The following PHC3 variants were observed in gnomAD, a reference collection of about 807,000 sequenced individuals.
PHC3 encodes polyhomeotic homolog 3.
A neutral mutation model predicts 107.4 loss-of-function variants in PHC3; 13 were observed. That is an observed-to-expected ratio of 0.12 (90% CI 0.08 to 0.19). The LOEUF (loss-of-function observed/expected upper bound fraction) is 0.19. Among genes scored for constraint, PHC3 ranks in the 10% least tolerant of loss-of-function variants. The pLI is 1.00. For synonymous variants in PHC3, 456 were observed against 427.4 expected (o/e 1.07, Z -0.83); for missense variants, 992 against 1,210.9 (o/e 0.82, Z 2.68).
Position 170,128,495 on chromosome 3 carries a change from C to A in PHC3, c.1788+189G>T, listed in dbSNP as rs530188111. ...CCATCACAAATTATAAAGCATGCAA[C>A]CACACTAAACAAACAATGGCATTTT... is the stretch of plus-strand genomic sequence containing the variant. On this transcript the variant is annotated intron_variant, in intron 8 of 14. Transcript: ENST00000495893. The A allele has an allele frequency of 4.4e-6, 5 of 1,135,032 alleles. No homozygotes were observed. The East Asian group carries it at 1.3e-4, about 30-fold the overall frequency. The allele number at this position is 1,135,032 out of a possible 1,614,324, so 70.3% of individuals were successfully genotyped here.
chr3:170,172,536 A>C (rs1729774647), intron 3 of PHC3, 21 bp downstream of exon 3: 1 of 1,604,302 alleles, frequency 6.2e-7, no homozygotes, highest in South Asian at 1.1e-5. Context: ...TTGATCTCAT[A>C]AACTCTTATT....
At chr3:170,159,473 T>G (rs1727501416) in intron 4 of PHC3, among the ~76,000 whole-genome samples, 1 of 151,906 alleles carries the variant, frequency 6.6e-6, no homozygotes. Context: ...AAAAAGGCAG[T>G]AAGTGAAAAG....
chr3:170,117,002 A>AT (rs1337639997), intron 10 of PHC3: 3 of 526,054 alleles, frequency 5.7e-6, no homozygotes, highest in East Asian at 3.3e-5. Context: ...ATGTCCTGAA[A>AT]TTTTTTTCAT....
intron 4 of PHC3, chr3:170,170,589 G>T (rs1729437049): frequency 6.6e-6 from 1 of 151,620 alleles, no homozygotes; most frequent in South Asian, 2.1e-4. Flanking sequence ...TTGTTCTTAG[G>T]AAATACACAT....
Position 170,089,954 on chromosome 3 carries a change from T to A in PHC3, c.*7276A>T. Reference sequence around the variant, plus strand: ...GAAAAAAAAAAAAAAAGAAAGAAAGTTGCTCACTGTCAATACTGGGTAAAA... The same window carrying A: ...GAAAAAAAAAAAAAAAGAAAGAAAGATGCTCACTGTCAATACTGGGTAAAA... On this transcript the variant is annotated 3_prime_UTR_variant, in exon 15 of 15. Transcript: ENST00000495893. The A allele has an allele frequency of 6.7e-6, 1 of 148,188 alleles. No homozygotes were observed. Among genetic ancestry groups the A allele is most frequent in the Non-Finnish European group, 1.5e-5 (1 of 67,228 alleles). 9.2% of individuals were successfully genotyped at this position (148,188 alleles called of 1,614,324 possible). A position where few individuals can be genotyped will look rare whatever the true frequency, so the allele number is the denominator to read the frequency against.
At chr3:170,144,282 A>G (rs1724602576) in intron 6 of PHC3, among the ~76,000 whole-genome samples, 1 of 151,590 alleles carries the variant, frequency 6.6e-6, no homozygotes, top group South Asian at 2.1e-4. Context: ...TGGAGGTTGC[A>G]GTGAGCGGAG....
intron 12 of PHC3, among the ~76,000 whole-genome samples, chr3:170,105,518 A>AT (rs1716322854): frequency 6.6e-6 from 1 of 152,152 alleles, no homozygotes; most frequent in African/African-American, 2.4e-5. Flanking sequence ...AAGGTTATTT[A>AT]TTTTTTATGG....
At chr3:170,126,827 C>T in intron 8 of PHC3, among the ~76,000 whole-genome samples, 1 of 152,012 alleles carries the variant, frequency 6.6e-6, no homozygotes, top group Admixed American at 6.6e-5. Context: ...AGGTGTGAGG[C>T]ACCACACCCA....
chr3:170,130,316 C>A (rs1487217902), intron 7 of PHC3, among the ~76,000 whole-genome samples: 2 of 152,132 alleles, frequency 1.3e-5, no homozygotes, highest in African/African-American at 4.8e-5. Context: ...TAATCCATAT[C>A]TAAACGTGCT....
At chr3:170,166,895 T>TC (rs1273081054) in intron 4 of PHC3, among the ~76,000 whole-genome samples, 1 of 151,996 alleles carries the variant, frequency 6.6e-6, no homozygotes, top group South Asian at 2.1e-4. Context: ...ACTCAAGTGA[T>TC]CCCCCCACCT....
intron 7 of PHC3, among the ~76,000 whole-genome samples, chr3:170,130,533 A>C (rs1722079247): frequency 6.6e-6 from 1 of 152,200 alleles, no homozygotes; most frequent in Admixed American, 6.5e-5. Flanking sequence ...GCCATTCCAA[A>C]TCTAGGAAAA....
chr3:170,111,419 A>AGG (rs1717738240), intron 11 of PHC3, among the ~76,000 whole-genome samples: 1 of 151,602 alleles, frequency 6.6e-6, no homozygotes, highest in East Asian at 1.9e-4. Context: ...GAAGGAAGGA[A>AGG]AGAAGGAAGG....
In PHC3 at chr3:170,149,714, C is replaced by T. The variant is rs557687508; in HGVS notation, c.415-470G>A. ...TAGGTTATCCACCCACCTCGGCCTC[C>T]CAAAGTGCTAGGATTACAGGCATGA... On this transcript the variant is annotated intron_variant, in intron 4 of 14. Transcript: ENST00000495893. The T allele has an allele frequency of 1.4e-3, 219 of 152,736 alleles. 2 individuals carry two copies. Among genetic ancestry groups the T allele is most frequent in the African/African-American group, 4.7e-3 (195 of 41,544 alleles). The allele number at this position is 152,736 out of a possible 1,614,324, so 9.5% of individuals were successfully genotyped here.
intron 1 of PHC3, among the ~76,000 whole-genome samples, 178 bp downstream of exon 1, chr3:170,181,524 G>C (rs1161565235): frequency 6.6e-6 from 1 of 152,178 alleles, no homozygotes; most frequent in African/African-American, 2.4e-5. Flanking sequence ...CTGGACCCTA[G>C]AGTTCGTCTT....
intron 6 of PHC3, among the ~76,000 whole-genome samples, chr3:170,142,330 G>A (rs1191548408): frequency 3.9e-5 from 6 of 152,076 alleles, no homozygotes; most frequent in Admixed American, 3.3e-4. Context: ...TTTGAACTCA[G>A]AGATTCCGGC....
In PHC3 at chr3:170,093,877, C is replaced by A. The variant is rs1395864076; in HGVS notation, c.*3353G>T. The A allele has an allele frequency of 6.6e-6, 1 of 152,132 alleles. No homozygotes were observed. The highest frequency in any genetic ancestry group is 1.5e-5 in the Non-Finnish European group (1 of 68,012). The allele number at this position is 152,132 out of a possible 1,614,324, so 9.4% of individuals were successfully genotyped here. ...CCAGGAAACAAAAATCAACTGGGAT[C>A]CCTAATGAAAGAAAATTATTTCTTC... On this transcript the variant is annotated 3_prime_UTR_variant, in exon 15 of 15. Coordinates refer to ENST00000495893, the MANE Select transcript of PHC3 (RefSeq NM_024947.4).
chr3:170,152,071 CAT>C (rs1217272845), intron 4 of PHC3, among the ~76,000 whole-genome samples: 12 of 152,000 alleles, frequency 7.9e-5, no homozygotes, highest in Admixed American at 7.9e-4. Flanking sequence ...ATATATATCA[CAT>C]ATTTTTATTT....
At chr3:170,142,685 G>C (rs772078675) in intron 6 of PHC3, among the ~76,000 whole-genome samples, 3 of 151,994 alleles carry the variant, frequency 2.0e-5, no homozygotes, top group Non-Finnish European at 4.4e-5. Context: ...CACTTTCCTA[G>C]TTTTATTTGT....
rs149441485 is a variant in PHC3 at position 170,158,203 on chromosome 3, T to G, written c.415-8959A>C. 4.8e-3 allele frequency among the ~76,000 whole-genome samples: 732 copies of G among 152,274 alleles called. 5 individuals carry two copies. The highest frequency in any genetic ancestry group is 0.017 in the African/African-American group (700 of 41,574). Reference sequence around the variant, plus strand: ...CATGAAAGAAAAAAAATGAAGTCTATTTTTATATTAAAAAGAAAAAAGAGT... The same window carrying G: ...CATGAAAGAAAAAAAATGAAGTCTAGTTTTATATTAAAAAGAAAAAAGAGT... On this transcript the variant is annotated intron_variant, in intron 4 of 14. Transcript: ENST00000495893.
Sources: allele counts gnomAD v4.1 joint callset (sites outside exome capture counted in the v4.1 genomes callset), GRCh38; gene constraint gnomAD v4.1.1; transcripts MANE v1.5; gene names NCBI Gene and HGNC (gene_info 2026-07-23, HGNC 2026-07-21).